SLCO2A1: variants seen among roughly 807,000 people sequenced by gnomAD.
The protein encoded by SLCO2A1 is solute carrier organic anion transporter family member 2A1, also known as matrin F/G 1.
A neutral mutation model predicts 71.7 loss-of-function variants in SLCO2A1; 60 were observed. The ratio of observed to expected loss-of-function variants is 0.84; its 90% CI spans 0.68 to 1.04. The LOEUF (loss-of-function observed/expected upper bound fraction) is 1.04. Ranked by LOEUF, SLCO2A1 falls within the 50% of genes least tolerant of loss-of-function variation. The pLI is 0.00. For missense variants in SLCO2A1, 745 were observed against 813.4 expected (o/e 0.92, Z 1.02); for synonymous variants, 308 against 326.7 (o/e 0.94, Z 0.62).
At chr3:133,935,980 C>T in intron 12 of SLCO2A1, 83 bp from the exon 13 acceptor site, 1 of 1,380,176 alleles carries the variant, frequency 7.2e-7, no homozygotes, top group Non-Finnish European at 9.6e-7. Flanking sequence ...AAGTCCCCGA[C>T]ACAGTTCACA....
At chr3:133,962,835 T>C (rs1437430856) in intron 3 of SLCO2A1, among the ~76,000 whole-genome samples, 1 of 152,206 alleles carries the variant, frequency 6.6e-6, no homozygotes, top group Non-Finnish European at 1.5e-5. Context: ...GCCTGCCTTT[T>C]CCTGCTACCA....
At position 133,980,077 on chromosome 3, in the gene SLCO2A1, G is replaced by C. The variant is rs148155604; in HGVS notation, c.97-459C>G. Among the ~76,000 whole-genome samples the C allele has an allele frequency of 2.5e-3, 376 of 152,262 alleles. 2 individuals carry two copies. The highest frequency in any genetic ancestry group is 8.8e-3 in the African/African-American group (366 of 41,554). On this transcript the variant is annotated intron_variant, in intron 1 of 13. Coordinates refer to ENST00000310926, the MANE Select transcript of SLCO2A1 (RefSeq NM_005630.3). ...CCACTCTTGGGAGATGAACAAGCCC[G>C]GGTCACATGGATCCATCTCTCTTGA...
chr3:133,944,593 G>A (rs890411884), intron 10 of SLCO2A1, among the ~76,000 whole-genome samples: 7 of 152,316 alleles, frequency 4.6e-5, no homozygotes, highest in East Asian at 1.9e-4. Flanking sequence ...AGGTCAGCCC[G>A]AAATAGCTGC....
intron 3 of SLCO2A1, among the ~76,000 whole-genome samples, chr3:133,958,834 A>G (rs894190099): frequency 6.6e-6 from 1 of 152,198 alleles, no homozygotes; most frequent in Non-Finnish European, 1.5e-5. Flanking sequence ...GGAGAAATAA[A>G]CAAAGTCTGA....
At chr3:133,998,920 C>T (rs1935040119) in intron 1 of SLCO2A1, 1 of 152,354 alleles carries the variant, frequency 6.6e-6, no homozygotes, top group Non-Finnish European at 1.5e-5. Flanking sequence ...AGCTGTCACA[C>T]TGACGTTTTG....
At chr3:133,940,700 A>G (rs1013222809) in intron 11 of SLCO2A1, among the ~76,000 whole-genome samples, 2 of 152,180 alleles carry the variant, frequency 1.3e-5, no homozygotes, top group African/African-American at 2.4e-5. Flanking sequence ...AGTGCTTTGA[A>G]TGCGCAGGAT....
chr3:133,989,902 T>C (rs1172088924), intron 1 of SLCO2A1, among the ~76,000 whole-genome samples: 1 of 152,250 alleles, frequency 6.6e-6, no homozygotes, highest in Non-Finnish European at 1.5e-5. Flanking sequence ...TCAGTATTTT[T>C]ATTATCAGAT....
At position 133,935,796 on chromosome 3, in the gene SLCO2A1, C is replaced by T; in HGVS notation, c.1792G>A (p.Asp598Asn). The T allele has an allele frequency of 1.2e-6, 2 of 1,608,132 alleles. No homozygotes were observed. Among genetic ancestry groups the T allele is most frequent in the East Asian group, 2.2e-5 (1 of 44,796 alleles). The change falls in exon 13 of 14, where the codon GAC becomes AAC. Residue 598 changes from aspartate (D) to asparagine (N), a missense_variant. Transcript: ENST00000310926. ...CACCTGTCTCGGAGAGCATCGTTGT[C>T]ATAGTAGGCGCAGGCCCCTCGCCTC... is the stretch of plus-strand genomic sequence containing the variant. ...LGRRGACAYY[D>N]NDALRDRYLG... is the part of the protein sequence containing the mutation.
chr3:133,983,146 T>A (rs1471437951), intron 1 of SLCO2A1, among the ~76,000 whole-genome samples: 2 of 152,206 alleles, frequency 1.3e-5, no homozygotes, highest in East Asian at 3.9e-4. Context: ...AGTGACGCTA[T>A]GTGACTTCCG....
chr3:133,944,863 T>C (rs1415657374), intron 10 of SLCO2A1, among the ~76,000 whole-genome samples: 2 of 152,252 alleles, frequency 1.3e-5, no homozygotes, highest in Admixed American at 1.3e-4. Flanking sequence ...TGTGAATTTG[T>C]TGGACATCGG....
chr3:133,998,004 G>A (rs915247344), intron 1 of SLCO2A1, among the ~76,000 whole-genome samples: 6 of 152,204 alleles, frequency 3.9e-5, no homozygotes, highest in South Asian at 4.1e-4. Flanking sequence ...GGGAGGTGCT[G>A]GCTGTCTTAT....
chr3:134,016,049 G>T (rs573348974), intron 1 of SLCO2A1, among the ~76,000 whole-genome samples: 1 of 152,094 alleles, frequency 6.6e-6, no homozygotes, highest in East Asian at 1.9e-4. Context: ...ACTCAAAATA[G>T]AAAATAAGTT....
chr3:133,939,880 C>G (rs558700767), intron 11 of SLCO2A1, among the ~76,000 whole-genome samples: 21 of 152,194 alleles, frequency 1.4e-4, no homozygotes, highest in South Asian at 1.2e-3. Context: ...TTTCAGCTAG[C>G]CTTCACTTCC....
intron 1 of SLCO2A1, among the ~76,000 whole-genome samples, chr3:133,994,479 T>C (rs535711284): frequency 1.6e-4 from 25 of 152,342 alleles, no homozygotes; most frequent in Admixed American, 2.6e-4. Flanking sequence ...CCCTTGCCAT[T>C]TGTGATGTCA....
chr3:133,948,828 T>C, intron 7 of SLCO2A1, 65 bp downstream of exon 7: 1 of 1,587,020 alleles, frequency 6.3e-7, no homozygotes, highest in East Asian at 2.2e-5. Context: ...GGGGCTGGGG[T>C]CCCCCTGGCC....
intron 1 of SLCO2A1, among the ~76,000 whole-genome samples, chr3:133,987,663 A>G (rs1934749123): frequency 6.6e-6 from 1 of 152,192 alleles, no homozygotes; most frequent in African/African-American, 2.4e-5. Flanking sequence ...GTCACGGGCC[A>G]TGGTCACTCA....
At chr3:134,015,050 T>C (rs756529255) in intron 1 of SLCO2A1, among the ~76,000 whole-genome samples, 1 of 152,020 alleles carries the variant, frequency 6.6e-6, no homozygotes, top group Non-Finnish European at 1.5e-5. Flanking sequence ...AAAGCCAGAA[T>C]AGAAGAAAAA....
At chr3:133,979,242 G>A (rs1934527990) in intron 2 of SLCO2A1, among the ~76,000 whole-genome samples, 2 of 152,238 alleles carry the variant, frequency 1.3e-5, no homozygotes, top group African/African-American at 4.8e-5. Context: ...GCCATGAAGA[G>A]GCCCCCAGGT....
intron 1 of SLCO2A1, among the ~76,000 whole-genome samples, chr3:133,992,221 T>C (rs1362261385): frequency 6.6e-6 from 1 of 152,234 alleles, no homozygotes; most frequent in African/African-American, 2.4e-5. Context: ...TGTTATTTTG[T>C]ATTTTTGCAC....
Sources: allele counts gnomAD v4.1 joint callset (sites outside exome capture counted in the v4.1 genomes callset), GRCh38; gene constraint gnomAD v4.1.1; transcripts MANE v1.5; gene names NCBI Gene and HGNC (gene_info 2026-07-23, HGNC 2026-07-21).